GRID2: variants seen among roughly 807,000 people sequenced by gnomAD.
GRID2 encodes the protein glutamate receptor ionotropic, delta-2.
Under a neutral mutation model 114.8 loss-of-function variants are expected in GRID2, and 33 were observed. The observed-to-expected ratio is 0.29, with a 90% confidence interval of 0.22 to 0.38. GRID2 has a LOEUF of 0.38. GRID2 is among the 10% of genes least tolerant of loss of function. GRID2 has a pLI of 1.00. For missense variants in GRID2, 1,184 were observed against 1,257.7 expected (o/e 0.94, Z 0.89); for synonymous variants, 505 against 449.9 (o/e 1.12, Z -1.55).
intron 2 of GRID2, among the ~76,000 whole-genome samples, chr4:92,644,793 T>G (rs958819105): frequency 2.0e-5 from 3 of 151,572 alleles, no homozygotes; most frequent in South Asian, 2.1e-4. Context: ...TTTCTCAAAT[T>G]TATTAGAAGA....
At chr4:93,440,076 C>A (rs1054437945) in intron 10 of GRID2, among the ~76,000 whole-genome samples, 3 of 151,980 alleles carry the variant, frequency 2.0e-5, no homozygotes, top group Non-Finnish European at 4.4e-5. Flanking sequence ...CCACTGGGAT[C>A]AGGAGAAGGT....
rs60017147 is a variant in GRID2 at position 93,126,584 on chromosome 4, C to CTTTTTTTTTT, written c.735+15653_735+15662dup. 8.5e-4 allele frequency among the ~76,000 whole-genome samples: 45 copies of CTTTTTTTTTT among 52,752 alleles called. 2 individuals carry two copies. The highest frequency in any genetic ancestry group is 1.2e-3 in the Non-Finnish European group (36 of 30,142). 34.6% of individuals were successfully genotyped at this position (52,752 alleles called of 152,430 possible). On this transcript the variant is annotated intron_variant, in intron 4 of 15. Transcript: ENST00000282020. ...GACAGTCATTGATAACTATTTAATT[C>CTTTTTTTTTT]TTTTTTTTTTTTTTTTTTTTTTTTT...
chr4:92,576,063 T>A (rs1727876986), intron 1 of GRID2, among the ~76,000 whole-genome samples: 1 of 152,156 alleles, frequency 6.6e-6, no homozygotes, highest in Admixed American at 6.5e-5. Flanking sequence ...GGCTGAGTTG[T>A]CTAAACAACC....
chr4:93,727,292 T>G (rs1487470096), intron 14 of GRID2, among the ~76,000 whole-genome samples: 1 of 152,200 alleles, frequency 6.6e-6, no homozygotes, highest in Non-Finnish European at 1.5e-5. Context: ...TTACATTTAT[T>G]GATTTGCGTA....
At chr4:93,089,263 T>A (rs1184143321) in intron 3 of GRID2, among the ~76,000 whole-genome samples, 1 of 152,134 alleles carries the variant, frequency 6.6e-6, no homozygotes, top group Non-Finnish European at 1.5e-5. Flanking sequence ...TTACATAGAA[T>A]CATTTTCAGT....
At chr4:93,562,153 T>C (rs1471443479) in intron 13 of GRID2, among the ~76,000 whole-genome samples, 1 of 151,908 alleles carries the variant, frequency 6.6e-6, no homozygotes, top group Non-Finnish European at 1.5e-5. Flanking sequence ...CATGAATGAG[T>C]GTCTAGTGCT....
intron 1 of GRID2, among the ~76,000 whole-genome samples, chr4:92,311,826 AGCATT>A (rs1725721660): frequency 6.6e-6 from 1 of 152,078 alleles, no homozygotes; most frequent in South Asian, 2.1e-4. Flanking sequence ...CTCTGTATGA[AGCATT>A]GCTTTTAGTC....
In GRID2 at chr4:93,216,747, G is replaced by T; in HGVS notation, c.799G>T (p.Asp267Tyr). Reference protein sequence around the residue: ...HWIIINEEINDVDVQELVRRS... With the variant: ...HWIIINEEINYVDVQELVRRS... ...ACCTCTTATCTTATAGGAAATAAAC[G>T]ATGTGGACGTACAGGAACTTGTAAG... is the stretch of plus-strand genomic sequence containing the variant. The change falls in exon 6 of 16, where the codon GAT (aspartate) becomes TAT (tyrosine). Residue 267 changes from aspartate to tyrosine, a missense_variant. By Grantham distance (160) the Asp-to-Tyr change is radical. Around this residue, in one of 3 missense-constraint regions of GRID2, gnomAD observed 455 missense variants for 429.5 expected, o/e 1.06. Transcript: ENST00000282020. 1 of 1,605,918 alleles carries T rather than the reference G, an allele frequency of 6.2e-7. No homozygotes were observed. The highest frequency in any genetic ancestry group is 1.1e-5 in the South Asian group (1 of 90,816).
intron 13 of GRID2, among the ~76,000 whole-genome samples, chr4:93,596,611 G>A (rs957492949): frequency 1.3e-5 from 2 of 151,972 alleles, no homozygotes; most frequent in Non-Finnish European, 2.9e-5. Flanking sequence ...AGAAAAGAAA[G>A]GCTACTTGAG....
chr4:93,102,569 G>A (rs1028545736), intron 3 of GRID2, among the ~76,000 whole-genome samples: 1 of 151,746 alleles, frequency 6.6e-6, no homozygotes, highest in African/African-American at 2.4e-5. Context: ...TTAGGCCAGA[G>A]GACATGGAGA....
chr4:92,647,271 T>C (rs1731693813), intron 2 of GRID2, among the ~76,000 whole-genome samples: 1 of 152,162 alleles, frequency 6.6e-6, no homozygotes, highest in Non-Finnish European at 1.5e-5. Flanking sequence ...AACCACACAG[T>C]AAAATTATAT....
chr4:92,677,071 A>C (rs890930025), intron 2 of GRID2, among the ~76,000 whole-genome samples: 1 of 152,220 alleles, frequency 6.6e-6, no homozygotes, highest in Non-Finnish European at 1.5e-5. Flanking sequence ...AAAGTGTACA[A>C]ATTCATAGAG....
chr4:93,753,510 C>A (rs1732500420), intron 14 of GRID2, among the ~76,000 whole-genome samples: 1 of 152,054 alleles, frequency 6.6e-6, no homozygotes, highest in Non-Finnish European at 1.5e-5. Flanking sequence ...TACCCCATGA[C>A]AGGCCCCAGT....
intron 1 of GRID2, among the ~76,000 whole-genome samples, chr4:92,497,122 T>C (rs544538211): frequency 6.6e-6 from 1 of 151,932 alleles, no homozygotes; most frequent in South Asian, 2.1e-4. Flanking sequence ...GGAAATGAGA[T>C]AGGATAACTT....
chr4:93,204,683 A>G (rs1440031792), intron 4 of GRID2, among the ~76,000 whole-genome samples: 1 of 152,170 alleles, frequency 6.6e-6, no homozygotes, highest in Non-Finnish European at 1.5e-5. Flanking sequence ...AGCCATGGGT[A>G]AATCTCATGG....
chr4:92,498,525 TATC>T (rs563837251), intron 1 of GRID2, among the ~76,000 whole-genome samples: 4 of 152,078 alleles, frequency 2.6e-5, no homozygotes, highest in Admixed American at 1.3e-4. Flanking sequence ...AATTTTAAAA[TATC>T]ATTTGCTTTT....
intron 1 of GRID2, among the ~76,000 whole-genome samples, chr4:92,367,598 G>A (rs1045815921): frequency 3.9e-4 from 59 of 152,146 alleles, no homozygotes; most frequent in African/African-American, 1.4e-3. Flanking sequence ...TGGGCATTGG[G>A]CAGAAAGGGC....
At chr4:93,078,501 G>GTA (rs1729540888) in intron 2 of GRID2, among the ~76,000 whole-genome samples, 2 of 150,574 alleles carry the variant, frequency 1.3e-5, no homozygotes, top group Admixed American at 1.3e-4. Context: ...TAATATACAG[G>GTA]TATATATATG....
chr4:93,457,236 G>T (rs1723294311), intron 11 of GRID2, among the ~76,000 whole-genome samples: 1 of 152,116 alleles, frequency 6.6e-6, no homozygotes, highest in Non-Finnish European at 1.5e-5. Flanking sequence ...ATATGTTAAT[G>T]TCGCAGAGAA....
Sources: gnomAD v4.1 joint callset for allele counts (sites outside exome capture counted in the v4.1 genomes callset) on GRCh38, gnomAD v4.1.1 for gene constraint, gnomAD v4.1.1 regional missense constraint, MANE v1.5 for transcripts, NCBI Gene and HGNC (gene_info 2026-07-23, HGNC 2026-07-21) for gene names.